The following COCH variants were observed in gnomAD, a reference collection of about 807,000 sequenced individuals.
The protein encoded by COCH is cochlin, also known as coagulation factor C homolog, cochlin (Limulus polyphemus).
A neutral mutation model predicts 54.8 loss-of-function variants in COCH; 40 were observed. The observed-to-expected ratio is 0.73, with a 90% CI of 0.57 to 0.95. COCH has a LOEUF of 0.95. Ranked by LOEUF, COCH falls within the 40% of genes least tolerant of loss-of-function variation. COCH has a pLI of 0.00. For missense variants in COCH, 605 were observed against 675.0 expected, an observed-to-expected ratio of 0.90 and a Z score of 1.15; for synonymous variants, 256 against 237.9, an observed-to-expected ratio of 1.08 and a Z score of -0.70.
intron 3 of COCH, chr14:30,875,444 A>C: frequency 1.7e-6 from 1 of 584,178 alleles, no homozygotes; most frequent in South Asian, 2.2e-5. Context: ...CTTGAGCCTC[A>C]CCGAGGAGCG....
At chr14:30,886,759 G>A (rs1895804086) in intron 11 of COCH, among the ~76,000 whole-genome samples, 1 of 152,194 alleles carries the variant, frequency 6.6e-6, no homozygotes, top group Non-Finnish European at 1.5e-5. Context: ...TAATTGCTCT[G>A]TCACCAGGCT....
At chr14:30,884,391 A>T (rs1228124628) in intron 8 of COCH, 162 bp from the exon 9 acceptor site, 8 of 615,658 alleles carry the variant, frequency 1.3e-5, no homozygotes. Context: ...AATATCTCCA[A>T]TAATTCAAGT....
Position 30,890,025 on chromosome 14 carries a change from T to A in COCH, c.*234T>A. ...CTTCATAATCATGGCTCTTAGAAACTCAGGAAAGAGGAGATAATGTGGATT... is the reference window on the plus strand; with the variant it reads ...CTTCATAATCATGGCTCTTAGAAACACAGGAAAGAGGAGATAATGTGGATT... On this transcript the variant is annotated 3_prime_UTR_variant, in exon 12 of 12. Coordinates refer to ENST00000396618, the MANE Select transcript of COCH (RefSeq NM_004086.3). The A allele has an allele frequency of 8.1e-7, 1 of 1,238,988 alleles. No individual in the cohort carries two copies. The highest frequency in any genetic ancestry group is 1.0e-6 in the Non-Finnish European group (1 of 985,656). 76.7% of individuals were successfully genotyped at this position (1,238,988 alleles called of 1,614,324 possible).
chr14:30,894,878 T>C (rs1347659084), downstream of COCH: 1 of 862,408 alleles, frequency 1.2e-6, no homozygotes, highest in Non-Finnish European at 1.5e-6. Context: ...ATATTTTAAG[T>C]TAAATTTTCT....
Position 30,886,104 on chromosome 14 carries a change from C to T in COCH, c.1269C>T (p.Asp423=), listed in dbSNP as rs35353967. ...AGCGCACGGAGTTCAGTTTCACTGA[C>T]TATAGCACCAAAGAGAATGTCCTAG... ...YDQRTEFSFT[D]YSTKENVLAV... The change falls in exon 11 of 12, where the codon GAC becomes GAT. Residue 423 remains aspartate (D), a synonymous_variant. Coordinates refer to ENST00000396618, the MANE Select transcript of COCH (RefSeq NM_004086.3). 1,816 of 1,614,124 alleles carry T rather than the reference C, an allele frequency of 1.1e-3. 25 individuals carry two copies. The African/African-American group carries it at 0.021, about 19-fold the overall frequency.
intron 1 of COCH, 99 bp from the exon 2 acceptor site, chr14:30,874,817 T>G: frequency 8.5e-7 from 1 of 1,177,876 alleles, no homozygotes; most frequent in Non-Finnish European, 1.3e-6. Context: ...CTCTCTCCTC[T>G]GCGCCGCGCC....
rs1566407840 is a variant in COCH at position 30,878,860 on chromosome 14, G to A, written c.289G>A (p.Gly97Ser). 2 of 1,614,108 alleles carry A rather than the reference G, an allele frequency of 1.2e-6. No homozygotes were observed. Among genetic ancestry groups the A allele is most frequent in the East Asian group, 2.2e-5 (1 of 44,876 alleles). Residue 97 changes from glycine (G) to serine (S), a missense_variant, in exon 5 of 12, where the codon GGT becomes AGT. Coordinates refer to ENST00000396618, the MANE Select transcript of COCH (RefSeq NM_004086.3). The part of the protein sequence containing the change: ...GGPVRVYSLP[G>S]RENYSSVDAN... Reference sequence around the variant, plus strand: ...ACCTGTACGAGTCTATAGCCTACCTGGTCGAGAAAACTATTCCTCAGTAGA... The same window carrying A: ...ACCTGTACGAGTCTATAGCCTACCTAGTCGAGAAAACTATTCCTCAGTAGA...
downstream of COCH, chr14:30,894,911 A>G: frequency 1.8e-6 from 2 of 1,081,816 alleles, no homozygotes; most frequent in Non-Finnish European, 1.2e-6. Flanking sequence ...TTTTTTTTAA[A>G]GCAAAATAAG....
chr14:30,893,408 T>G (rs1316325947), downstream of COCH, among the ~76,000 whole-genome samples: 1 of 152,078 alleles, frequency 6.6e-6, no homozygotes. Flanking sequence ...CACCTCGGCC[T>G]CCCAAAGTGC....
At chr14:30,884,100 C>G (rs1407567828) in intron 8 of COCH, among the ~76,000 whole-genome samples, 1 of 152,164 alleles carries the variant, frequency 6.6e-6, no homozygotes, top group African/African-American at 2.4e-5. Flanking sequence ...ACTCTGCGGA[C>G]TTCTGTTAAA....
downstream of COCH, among the ~76,000 whole-genome samples, chr14:30,893,271 C>A (rs1400152195): frequency 2.6e-5 from 4 of 151,324 alleles, no homozygotes; most frequent in South Asian, 8.4e-4. Flanking sequence ...CTCAGCCTCC[C>A]GAGTAGCTGG....
chr14:30,893,828 G>A (rs1445810263), downstream of COCH: 1 of 152,516 alleles, frequency 6.6e-6, no homozygotes, highest in Non-Finnish European at 1.5e-5. Flanking sequence ...TAATTATGGA[G>A]AATAAAGTAT....
chr14:30,874,865 G>A lies in COCH; in HGVS notation c.-23-51G>A, dbSNP rs78284050. 2,353 of 1,558,958 alleles carry A rather than the reference G, an allele frequency of 1.5e-3. 14 individuals carry two copies. In the African/African-American group the frequency reaches 0.018, roughly 12 times the overall value. ...GGGTGCGGGGCTCTGAGGAGGTGACGCGCGGGGCCTCCCGCACCCTGGCCT... is the reference window on the plus strand; with the variant it reads ...GGGTGCGGGGCTCTGAGGAGGTGACACGCGGGGCCTCCCGCACCCTGGCCT... On this transcript the variant is annotated intron_variant, in intron 1 of 11. Coordinates refer to ENST00000396618, the MANE Select transcript of COCH (RefSeq NM_004086.3).
At chr14:30,879,518 C>G (rs538319733) in intron 6 of COCH, 33 bp downstream of exon 6, 1 of 1,604,186 alleles carries the variant, frequency 6.2e-7, no homozygotes, top group Non-Finnish European at 8.5e-7. Flanking sequence ...CCTAGTTGCC[C>G]GGCACAGCAT....
intron 11 of COCH, among the ~76,000 whole-genome samples, chr14:30,887,358 T>C (rs1034683055): frequency 6.6e-6 from 1 of 150,904 alleles, no homozygotes; most frequent in East Asian, 2.0e-4. Flanking sequence ...CGTGCCATTG[T>C]ACTCCAGCCT....
Position 30,889,609 on chromosome 14 carries a change from A to AT in COCH, c.1478-5dup, listed in dbSNP as rs1895913341. 3.1e-6 allele frequency: 5 copies of AT among 1,613,236 alleles called. No individual in the cohort carries two copies. Among genetic ancestry groups the AT allele is most frequent in the Non-Finnish European group, 4.2e-6 (5 of 1,179,232 alleles). ...TTTCAATTCACTTTAAAATGTTTTC[A>AT]TTGTAGGAATCACTATCTTCTCTGT... On this transcript the variant is annotated splice_polypyrimidine_tract_variant and splice_region_variant and intron_variant, in intron 11 of 11. Coordinates refer to ENST00000396618, the MANE Select transcript of COCH (RefSeq NM_004086.3).
Position 30,889,846 on chromosome 14 carries a change from T to C in COCH, c.*55T>C, listed in dbSNP as rs1450229989. 2 of 1,578,152 alleles carry C rather than the reference T, an allele frequency of 1.3e-6. No individual in the cohort carries two copies. Among genetic ancestry groups the C allele is most frequent in the South Asian group, 1.2e-5 (1 of 86,438 alleles). ...GTACAAGGGGATCCAGTGTGTAAAT[T>C]GTATTCTCATAATACTGAAATGCTT... On this transcript the variant is annotated 3_prime_UTR_variant, in exon 12 of 12. Transcript: ENST00000396618.
chr14:30,878,780 T>G, intron 4 of COCH, 31 bp from the exon 5 acceptor site: 2 of 1,614,072 alleles, frequency 1.2e-6, no homozygotes, highest in Non-Finnish European at 1.7e-6. Flanking sequence ...AAAGTGTGGA[T>G]AGCATCTCAG....
At chr14:30,890,699 T>C (rs1895953154), downstream of COCH, 1 of 434,970 alleles carries the variant, frequency 2.3e-6, no homozygotes, top group African/African-American at 2.2e-5. Flanking sequence ...CTGAATTGTT[T>C]TTTAAATCAT....
Sources: allele counts gnomAD v4.1 joint callset (sites outside exome capture counted in the v4.1 genomes callset), GRCh38; gene constraint gnomAD v4.1.1; transcripts MANE v1.5; gene names NCBI Gene and HGNC (gene_info 2026-07-23, HGNC 2026-07-21).